TRHDE: variants seen among roughly 807,000 people sequenced by gnomAD.
TRHDE encodes the protein thyrotropin-releasing hormone-degrading ectoenzyme.
A neutral mutation model predicts 125.7 loss-of-function variants in TRHDE; 72 were observed. The observed-to-expected ratio is 0.57, with a 90% CI of 0.47 to 0.70. The LOEUF is 0.70. TRHDE is among the 30% of genes least tolerant of loss of function. TRHDE has a pLI of 0.00. For missense variants in TRHDE, 1,110 were observed against 1,327.1 expected, an observed-to-expected ratio of 0.84 and a Z score of 2.54; for synonymous variants, 509 against 509.1, an observed-to-expected ratio of 1.00 and a Z score of 0.00.
chr12:72,497,905 T>C (rs1485236561), intron 5 of TRHDE, among the ~76,000 whole-genome samples: 8 of 152,296 alleles, frequency 5.3e-5, no homozygotes, highest in South Asian at 2.1e-4. Flanking sequence ...TTTTAATTTG[T>C]CTGGAATTAG....
chr12:72,251,973 A>G (rs923769534), intron 2 of TRHDE, among the ~76,000 whole-genome samples: 7 of 151,968 alleles, frequency 4.6e-5, no homozygotes, highest in Admixed American at 2.6e-4. Context: ...GCTCATATCA[A>G]TTTTCTGGTT....
intron 8 of TRHDE, 52 bp downstream of exon 8, chr12:72,562,282 G>A (rs774614612): frequency 2.1e-6 from 2 of 955,534 alleles, no homozygotes; most frequent in Non-Finnish European, 3.3e-6. Context: ...TATTTGAATT[G>A]CATTTATAAG....
chr12:72,133,923 T>C (rs899881362), intron 2 of TRHDE, among the ~76,000 whole-genome samples: 3 of 152,232 alleles, frequency 2.0e-5, no homozygotes, highest in African/African-American at 7.2e-5. Flanking sequence ...ATAGGTGATG[T>C]TGCTGACTGC....
intron 5 of TRHDE, among the ~76,000 whole-genome samples, chr12:72,474,592 ATTTC>A (rs1412847476): frequency 3.3e-5 from 5 of 152,052 alleles, no homozygotes; most frequent in Admixed American, 3.3e-4. Context: ...AAATGGCAGA[ATTTC>A]TTTCTTTTTT....
In TRHDE at chr12:72,452,785, T is replaced by G. The variant is rs564537688; in HGVS notation, c.1316-16973T>G. ...TGGTCATTTAAAATCATGTGCCCCC[T>G]CCCCCTTCACTCTCTTGCTCCTGCT... On this transcript the variant is annotated intron_variant, in intron 3 of 18. Transcript: ENST00000261180. 1.1e-3 allele frequency among the ~76,000 whole-genome samples: 173 copies of G among 151,922 alleles called. 2 individuals carry two copies. The South Asian group carries it at 0.016, about 14-fold the overall frequency.
chr12:72,145,991 G>T (rs1259494025), intron 2 of TRHDE, among the ~76,000 whole-genome samples: 2 of 152,022 alleles, frequency 1.3e-5, no homozygotes, highest in Non-Finnish European at 2.9e-5. Flanking sequence ...AGATATTCCT[G>T]GTGCTAATCT....
chr12:72,269,824 C>T (rs186587495), upstream of TRHDE, among the ~76,000 whole-genome samples: 50 of 152,204 alleles, frequency 3.3e-4, 1 homozygote, highest in Admixed American at 1.7e-3. Flanking sequence ...CAAATTTGTA[C>T]ACATTTTTAA....
intron 2 of TRHDE, among the ~76,000 whole-genome samples, chr12:72,110,488 A>G (rs1875291624): frequency 6.6e-6 from 1 of 151,968 alleles, no homozygotes; most frequent in South Asian, 2.1e-4. Context: ...TTTGAATCTG[A>G]GGATATGGTT....
At chr12:72,153,750 G>T (rs577480503) in intron 2 of TRHDE, among the ~76,000 whole-genome samples, 1 of 152,272 alleles carries the variant, frequency 6.6e-6, no homozygotes, top group East Asian at 1.9e-4. Flanking sequence ...ATTGCACTGT[G>T]GTCTGAGAGA....
intron 6 of TRHDE, among the ~76,000 whole-genome samples, chr12:72,510,267 G>C (rs1565771267): frequency 6.6e-6 from 1 of 152,174 alleles, no homozygotes; most frequent in East Asian, 1.9e-4. Flanking sequence ...TCACTATTTT[G>C]TGATACTCTT....
rs766025556 is a variant in TRHDE, at chr12:72,652,382, T to A, written c.2736T>A (p.Asp912Glu). ...CAGGAGTGTCACTACTGGATGAGGA[T>A]GTCTGGGAATTCATATGGATGAAAT... ...YCTGVSLLDE[D>E]VWEFIWMKFH... The change falls in exon 16 of 19, where the codon GAT (aspartate) becomes GAA (glutamate). Residue 912 changes from aspartate to glutamate, a missense_variant. This residue lies in a region of TRHDE where 527 missense variants were observed against 651.8 expected (regional missense o/e 0.81). Transcript: ENST00000261180. The A allele has an allele frequency of 6.2e-7, 1 of 1,607,098 alleles. No homozygotes were observed. The highest frequency in any genetic ancestry group is 2.3e-5 in the East Asian group (1 of 44,176).
chr12:72,549,372 A>G (rs1290290672), intron 7 of TRHDE, among the ~76,000 whole-genome samples: 1 of 151,868 alleles, frequency 6.6e-6, no homozygotes, highest in Non-Finnish European at 1.5e-5. Flanking sequence ...TCAGAAAATC[A>G]TAGAGGAGCA....
intron 5 of TRHDE, among the ~76,000 whole-genome samples, chr12:72,497,050 C>A (rs1328711430): frequency 6.6e-6 from 1 of 151,834 alleles, no homozygotes; most frequent in Non-Finnish European, 1.5e-5. Context: ...TTTCTTTGTT[C>A]CCCCTCTCTC....
At chr12:72,465,508 TG>T (rs1298908975) in intron 3 of TRHDE, among the ~76,000 whole-genome samples, 2 of 152,200 alleles carry the variant, frequency 1.3e-5, no homozygotes, top group Non-Finnish European at 2.9e-5. Flanking sequence ...TCCATATAAC[TG>T]TTTTGAGATT....
At chr12:72,350,182 T>C (rs1185336801) in intron 2 of TRHDE, among the ~76,000 whole-genome samples, 1 of 152,024 alleles carries the variant, frequency 6.6e-6, no homozygotes, top group Non-Finnish European at 1.5e-5. Context: ...GTTTTTAAAA[T>C]GTATTATTAA....
In TRHDE at chr12:72,286,950, T is replaced by C. The variant is rs1300960136; in HGVS notation, c.1184T>C (p.Val395Ala). 4.3e-6 allele frequency: 7 copies of C among 1,612,108 alleles called. No homozygotes were observed. Among genetic ancestry groups the C allele is most frequent in the Non-Finnish European group, 5.9e-6 (7 of 1,179,206 alleles). Residue 395 changes from valine to alanine, a missense_variant, in exon 2 of 19, where the codon GTT (valine) becomes GCT (alanine). Val to Ala is a moderately conservative substitution (Grantham distance 64, BLOSUM62 0). Coordinates refer to ENST00000261180, the MANE Select transcript of TRHDE (RefSeq NM_013381.3). Reference protein sequence around the residue: ...TYRETTTKSGVVVRLYARPDA... With the variant: ...TYRETTTKSGAVVRLYARPDA... ...AGAGAAACTACCACCAAGAGTGGGG[T>C]TGTAGTAAGTATTTTCAGCTTAATG...
intron 3 of TRHDE, among the ~76,000 whole-genome samples, chr12:72,451,537 A>G (rs1592454756): frequency 6.6e-6 from 1 of 152,046 alleles, no homozygotes; most frequent in East Asian, 1.9e-4. Context: ...GCTTTATAGT[A>G]TGTTTTCAAT....
chr12:72,177,915 T>C (rs1448411376), intron 2 of TRHDE, among the ~76,000 whole-genome samples: 1 of 152,126 alleles, frequency 6.6e-6, no homozygotes, highest in African/African-American at 2.4e-5. Flanking sequence ...TTGTATTTTG[T>C]CAAAGTAATC....
chr12:72,471,127 C>G (rs919812576), intron 4 of TRHDE, among the ~76,000 whole-genome samples: 4 of 152,072 alleles, frequency 2.6e-5, no homozygotes, highest in African/African-American at 7.2e-5. Flanking sequence ...ATCCACCCCC[C>G]TCGACCTCCC....
Sources: allele counts gnomAD v4.1 joint callset (sites outside exome capture counted in the v4.1 genomes callset), GRCh38; gene constraint gnomAD v4.1.1; regional missense constraint gnomAD v4.1.1; transcripts MANE v1.5; gene names NCBI Gene and HGNC (gene_info 2026-07-23, HGNC 2026-07-21).